Variants in SCN8A observed in about 807,000 individuals in gnomAD.
SCN8A encodes sodium voltage-gated channel alpha subunit 8, also known as sodium channel protein type 8 subunit alpha.
A neutral mutation model predicts 184.1 loss-of-function variants in SCN8A; 30 were observed. The observed-to-expected ratio is 0.16, with a 90% CI of 0.12 to 0.22. SCN8A has a LOEUF of 0.22. Ranked by LOEUF, SCN8A falls within the 10% of genes least tolerant of loss-of-function variation. The pLI, the probability that SCN8A is intolerant of heterozygous loss-of-function variation, is 1.00. For missense variants in SCN8A, 1,057 were observed against 2,498.9 expected (o/e 0.42, Z 12.30); for synonymous variants, 852 against 907.0 (o/e 0.94, Z 1.09).
chr12:51,768,757 G>A, intron 16 of SCN8A, 108 bp from the exon 17 acceptor site: 1 of 803,966 alleles, frequency 1.2e-6, no homozygotes, highest in Non-Finnish European at 1.9e-6. Context: ...ACACAACAGA[G>A]CCTCTTTGAG....
At chr12:51,761,582 C>A (rs745633517) in intron 14 of SCN8A, among the ~76,000 whole-genome samples, 1 of 151,848 alleles carries the variant, frequency 6.6e-6, no homozygotes, top group African/African-American at 2.4e-5. Context: ...CTCTGCCTCC[C>A]GGGCTCAAGT....
At chr12:51,705,266 C>A in intron 9 of SCN8A, 151 bp from the exon 10 acceptor site, 1 of 620,156 alleles carries the variant, frequency 1.6e-6, no homozygotes, top group Non-Finnish European at 2.8e-6. Context: ...TTGGGAGTAC[C>A]AAGTGCCCAC....
At chr12:51,659,422 C>T (rs919736272) in intron 1 of SCN8A, among the ~76,000 whole-genome samples, 1 of 152,180 alleles carries the variant, frequency 6.6e-6, no homozygotes, top group Non-Finnish European at 1.5e-5. Context: ...AAGCTGTGCA[C>T]TTAAGGTTTG....
At position 51,806,566 on chromosome 12, in the gene SCN8A, A is replaced by G; in HGVS notation, c.5080A>G (p.Ser1694Gly). The change falls in exon 27 of 27, where the codon AGC (serine) becomes GGC (glycine). Residue 1694 changes from serine (S) to glycine (G), a missense_variant. By Grantham distance (56) the Ser-to-Gly change is moderately conservative. Around this residue, in one of 19 missense-constraint regions of SCN8A, gnomAD observed 19 missense variants for 41.6 expected, o/e 0.46. Transcript: ENST00000627620. This position sits in a 1 kb window ranked among gnomAD's most constrained non-coding sequence, Gnocchi z 8.7. ...GTTCAACTTTGAGACATTTGGCAAC[A>G]GCATGATCTGCCTGTTTCAAATCAC... is the stretch of plus-strand genomic sequence containing the variant. ...DMFNFETFGN[S>G]MICLFQITTS... is the part of the protein sequence containing the mutation. 6.2e-7 allele frequency: 1 copy of G among 1,614,196 alleles called. No homozygotes were observed. Among genetic ancestry groups the G allele is most frequent in the Non-Finnish European group, 8.5e-7 (1 of 1,180,036 alleles).
chr12:51,649,731 C>T (rs1227146282), intron 1 of SCN8A, among the ~76,000 whole-genome samples: 1 of 152,212 alleles, frequency 6.6e-6, no homozygotes, highest in African/African-American at 2.4e-5. Context: ...TTATTTTCTC[C>T]TAGGCCTCTG....
chr12:51,799,805 G>A (rs1938505382), intron 26 of SCN8A, among the ~76,000 whole-genome samples: 3 of 152,322 alleles, frequency 2.0e-5, no homozygotes, highest in Admixed American at 2.0e-4. Flanking sequence ...CTTGGTTGTA[G>A]GAGAGGCCAA....
intron 20 of SCN8A, chr12:51,780,342 C>T: frequency 2.7e-6 from 1 of 363,824 alleles, no homozygotes. Flanking sequence ...CCTCTCCTGT[C>T]AGCCTCTCCC....
chr12:51,670,828 T>C (rs1941117801), intron 2 of SCN8A, among the ~76,000 whole-genome samples: 1 of 152,206 alleles, frequency 6.6e-6, no homozygotes, highest in Non-Finnish European at 1.5e-5. Flanking sequence ...CATGCAATTA[T>C]TCATTTGACA....
chr12:51,595,233 T>A (rs1156609530), intron 1 of SCN8A, among the ~76,000 whole-genome samples: 2 of 152,208 alleles, frequency 1.3e-5, no homozygotes, highest in East Asian at 3.8e-4. Context: ...GAAACAGAAC[T>A]CTTACCCTGT....
At chr12:51,692,624 C>T (rs193063118) in intron 6 of SCN8A, among the ~76,000 whole-genome samples, 1 of 152,296 alleles carries the variant, frequency 6.6e-6, no homozygotes, top group Non-Finnish European at 1.5e-5. Context: ...TTGTCAGGTT[C>T]ACCTTGACAT....
At chr12:51,663,153 G>C in intron 2 of SCN8A, 60 bp downstream of exon 2, 1 of 1,565,678 alleles carries the variant, frequency 6.4e-7, no homozygotes, top group Non-Finnish European at 8.7e-7. Context: ...TTAGGGAGAT[G>C]GGGGAGAAAG....
At chr12:51,695,795 T>A (rs891838691) in intron 6 of SCN8A, among the ~76,000 whole-genome samples, 2 of 152,220 alleles carry the variant, frequency 1.3e-5, no homozygotes, top group Non-Finnish European at 2.9e-5. Flanking sequence ...CTGTCTCTTA[T>A]CCTGTTCCAA....
rs1255883984 is a variant in SCN8A, at chr12:51,789,285, A to G, written c.4286A>G (p.Asp1429Gly). Residue 1429 changes from aspartate (D) to glycine (G), a missense_variant, in exon 24 of 27, where the codon GAT (aspartate) becomes GGT (glycine). Physicochemically the swap from Asp to Gly is moderately conservative, Grantham distance 94. Around this residue, in one of 19 missense-constraint regions of SCN8A, gnomAD observed 37 missense variants for 216.1 expected, o/e 0.17. Transcript: ENST00000627620. Reference protein sequence around the residue: ...MYAAVDSRKPDEQPKYEDNIY... With the variant: ...MYAAVDSRKPGEQPKYEDNIY... ...TTTTATCCTGTCCTTTGACAGCCTG[A>G]TGAGCAGCCTAAGTATGAGGACAAT... is the stretch of plus-strand genomic sequence containing the variant. The G allele has an allele frequency of 1.2e-6, 2 of 1,613,734 alleles. No homozygotes were observed. Among genetic ancestry groups the G allele is most frequent in the Non-Finnish European group, 1.7e-6 (2 of 1,179,830 alleles).
intron 15 of SCN8A, among the ~76,000 whole-genome samples, chr12:51,764,705 C>T (rs151056446): frequency 3.3e-3 from 494 of 151,184 alleles, no homozygotes; most frequent in African/African-American, 0.011. Flanking sequence ...TTATTTATTA[C>T]AGAATATAGA....
intron 9 of SCN8A, 64 bp from the exon 10 acceptor site, chr12:51,705,353 T>TC (rs1323652675): frequency 6.7e-7 from 1 of 1,499,908 alleles, no homozygotes; most frequent in African/African-American, 1.4e-5. Context: ...ACTTGGCCCA[T>TC]TAGCTGTTTT....
intron 1 of SCN8A, among the ~76,000 whole-genome samples, chr12:51,641,723 C>T (rs113883249): frequency 6.6e-6 from 1 of 152,174 alleles, no homozygotes; most frequent in African/African-American, 2.4e-5. Context: ...TGCGGAAAGG[C>T]AGTGTGTTAT....
At chr12:51,756,094 A>G (rs1942669746) in intron 14 of SCN8A, among the ~76,000 whole-genome samples, 1 of 152,036 alleles carries the variant, frequency 6.6e-6, no homozygotes, top group Non-Finnish European at 1.5e-5. Flanking sequence ...CTTCGCCTGC[A>G]TGGACATCCT....
intron 1 of SCN8A, among the ~76,000 whole-genome samples, chr12:51,650,383 A>G (rs746542562): frequency 3.9e-4 from 59 of 152,292 alleles, no homozygotes; most frequent in Non-Finnish European, 7.3e-4. Flanking sequence ...TTACTGTATT[A>G]GTCCGTTTTC....
intron 1 of SCN8A, among the ~76,000 whole-genome samples, chr12:51,656,895 A>G (rs1467207109): frequency 6.6e-6 from 1 of 152,160 alleles, no homozygotes; most frequent in African/African-American, 2.4e-5. Flanking sequence ...ACCTTCTTAT[A>G]TTGCTGTTGG....
Sources: gnomAD v4.1 joint callset for allele counts (sites outside exome capture counted in the v4.1 genomes callset) on GRCh38, gnomAD v4.1.1 for gene constraint, gnomAD v4.1.1 regional missense constraint, Gnocchi (gnomAD v3.1) non-coding constraint, MANE v1.5 for transcripts, NCBI Gene and HGNC (gene_info 2026-07-23, HGNC 2026-07-21) for gene names.